The following MYO16 variants were observed in gnomAD, a reference collection of about 807,000 sequenced individuals.
MYO16 encodes unconventional myosin-XVI.
MYO16 carries 94 observed loss-of-function variants against 205.3 expected under a neutral mutation model. That is an observed-to-expected ratio of 0.46 (90% CI 0.39 to 0.54). The LOEUF (loss-of-function observed/expected upper bound fraction) is 0.54, where lower values mean the gene tolerates loss of function less well. Among genes scored for constraint, MYO16 ranks in the 20% least tolerant of loss-of-function variants. The pLI, the probability that MYO16 is intolerant of heterozygous loss-of-function variation, is 0.00. For missense variants in MYO16, 2,315 were observed against 2,387.5 expected, an observed-to-expected ratio of 0.97 and a Z score of 0.63; for synonymous variants, 988 against 954.0, an observed-to-expected ratio of 1.04 and a Z score of -0.66.
At position 108,766,848 on chromosome 13, in the gene MYO16, G is replaced by A. The variant is rs370280665; in HGVS notation, c.508-18787G>A. ...TTTGGAGTTTGTCCTTGAAGATAAA[G>A]GGCAGAGCTGTGAAAAATGCTCTTT... On this transcript the variant is annotated intron_variant, in intron 4 of 34. Coordinates refer to ENST00000457511, the MANE Select transcript of MYO16 (RefSeq NM_001198950.3). 5.3e-5 allele frequency among the ~76,000 whole-genome samples: 8 copies of A among 152,228 alleles called. No homozygotes were observed. The South Asian group carries it at 1.7e-3, about 32-fold the overall frequency.
At chr13:108,607,046 C>T (rs1322643824) in intron 1 of MYO16, among the ~76,000 whole-genome samples, 1 of 152,192 alleles carries the variant, frequency 6.6e-6, no homozygotes, top group Non-Finnish European at 1.5e-5. Flanking sequence ...TGGCCAACTT[C>T]TTCCATTGGA....
intron 11 of MYO16, among the ~76,000 whole-genome samples, chr13:108,864,321 C>G (rs114267284): frequency 6.6e-6 from 1 of 152,162 alleles, no homozygotes; most frequent in African/African-American, 2.4e-5. Context: ...TTGCATCCCA[C>G]AAGTTATGAT....
intron 16 of MYO16, among the ~76,000 whole-genome samples, chr13:108,955,408 C>T (rs901683286): frequency 1.3e-5 from 2 of 152,122 alleles, no homozygotes; most frequent in East Asian, 1.9e-4. Context: ...CACCATCAGC[C>T]GAGATTGGGG....
the MYO16 span, among the ~76,000 whole-genome samples, chr13:108,544,540 ACT>A: frequency 6.6e-6 from 1 of 151,992 alleles, no homozygotes; most frequent in East Asian, 1.9e-4. Context: ...ATCCAATTAT[ACT>A]CTTTCAGTTA....
intron 23 of MYO16, among the ~76,000 whole-genome samples, chr13:109,040,963 AC>A (rs937624393): frequency 1.6e-4 from 25 of 152,184 alleles, no homozygotes; most frequent in African/African-American, 6.0e-4. Flanking sequence ...CAAGAAATCT[AC>A]CATAAAAAAA....
At chr13:108,676,958 T>C (rs1474646039) in intron 2 of MYO16, among the ~76,000 whole-genome samples, 4 of 152,172 alleles carry the variant, frequency 2.6e-5, no homozygotes, top group Non-Finnish European at 5.9e-5. Flanking sequence ...CCCTGCAGCA[T>C]TGCCAACACG....
At chr13:109,005,849 G>A (rs1885370048) in intron 21 of MYO16, among the ~76,000 whole-genome samples, 1 of 152,118 alleles carries the variant, frequency 6.6e-6, no homozygotes, top group Non-Finnish European at 1.5e-5. Context: ...TTCCCCCTGA[G>A]ACTTCTTCAT....
At chr13:108,727,182 A>T (rs1417129528) in intron 3 of MYO16, among the ~76,000 whole-genome samples, 4 of 151,986 alleles carry the variant, frequency 2.6e-5, no homozygotes, top group Non-Finnish European at 5.9e-5. Flanking sequence ...CAGTAAGTGA[A>T]GTACTTTTTT....
intron 1 of MYO16, among the ~76,000 whole-genome samples, chr13:108,619,545 A>G (rs1879465412): frequency 1.3e-5 from 2 of 152,140 alleles, no homozygotes; most frequent in Non-Finnish European, 2.9e-5. Context: ...TAGCAGCATC[A>G]TGTCAGCATT....
chr13:108,736,815 A>T (rs1258194148), intron 4 of MYO16, among the ~76,000 whole-genome samples: 2 of 151,956 alleles, frequency 1.3e-5, no homozygotes, highest in Non-Finnish European at 1.5e-5. Flanking sequence ...CTCTTATTTC[A>T]TTGAGCAGTG....
chr13:108,756,736 G>T (rs1215167246), intron 4 of MYO16, among the ~76,000 whole-genome samples: 1 of 152,062 alleles, frequency 6.6e-6, no homozygotes, highest in Non-Finnish European at 1.5e-5. Flanking sequence ...AGGGTATTCT[G>T]TACTCAGTCT....
chr13:108,660,045 T>C (rs1881434126), intron 1 of MYO16, among the ~76,000 whole-genome samples: 1 of 152,116 alleles, frequency 6.6e-6, no homozygotes, highest in South Asian at 2.1e-4. Context: ...GAAGCTGCAG[T>C]GAGCTATGAT....
chr13:109,187,651 T>C (rs1297907938), intron 34 of MYO16, among the ~76,000 whole-genome samples: 1 of 152,218 alleles, frequency 6.6e-6, no homozygotes, highest in African/African-American at 2.4e-5. Flanking sequence ...TTCCAAGTAT[T>C]TGGGGTTTTC....
At chr13:108,873,734 CACCAGGACAGGGTCCATCCCAACCA>C (rs1566382453) in intron 12 of MYO16, among the ~76,000 whole-genome samples, 4 of 128,402 alleles carry the variant, frequency 3.1e-5, no homozygotes, top group Admixed American at 1.6e-4. Flanking sequence ...CCATGCCAAC[CACCAGGACAGGGTCCATCCCAACCA>C]ACCAGGACAG....
chr13:109,053,971 C>T (rs1290839990), intron 25 of MYO16, among the ~76,000 whole-genome samples: 2 of 152,018 alleles, frequency 1.3e-5, no homozygotes, highest in East Asian at 3.8e-4. Flanking sequence ...ATAGCAAAAG[C>T]ACTAAATCCA....
chr13:109,051,669 T>C (rs1442524966), intron 24 of MYO16, among the ~76,000 whole-genome samples: 1 of 152,220 alleles, frequency 6.6e-6, no homozygotes, highest in Non-Finnish European at 1.5e-5. Flanking sequence ...GAATATGGAC[T>C]CATGGACTCA....
At position 108,961,580 on chromosome 13, in the gene MYO16, C is replaced by G. The variant is rs199624828; in HGVS notation, c.2079C>G (p.His693Gln). The change falls in exon 18 of 35, where the codon CAC (histidine) becomes CAG (glutamine). Residue 693 changes from histidine to glutamine, a missense_variant. By Grantham distance (24) the His-to-Gln change is conservative. Coordinates refer to ENST00000457511, the MANE Select transcript of MYO16 (RefSeq NM_001198950.3). ...TCGTAATTCTAGCAGCAATATTGCA[C>G]CTTGGAGACATTCGGTTTACTGCCC... ...NLFVILAAIL[H>Q]LGDIRFTALN... is the part of the protein sequence containing the mutation. The G allele has an allele frequency of 7.4e-6, 12 of 1,613,960 alleles. No individual in the cohort carries two copies. The East Asian group carries it at 2.0e-4, about 27-fold the overall frequency.
In MYO16 at chr13:109,021,451, C is replaced by A. The variant is rs184088293; in HGVS notation, c.2796+1540C>A. Among the ~76,000 whole-genome samples, 553 of 152,256 alleles carry A rather than the reference C, an allele frequency of 3.6e-3. 3 individuals carry two copies. Among genetic ancestry groups the A allele is most frequent in the Non-Finnish European group, 5.7e-3 (389 of 68,012 alleles). On this transcript the variant is annotated intron_variant, in intron 23 of 34. Coordinates refer to ENST00000457511, the MANE Select transcript of MYO16 (RefSeq NM_001198950.3). ...TCCCACTGCAAGGGAAAATCATCTT[C>A]ACGGAGGCTCACCAGCTAACACAGC...
At chr13:109,076,732 C>T (rs1371031522) in intron 27 of MYO16, among the ~76,000 whole-genome samples, 1 of 152,116 alleles carries the variant, frequency 6.6e-6, no homozygotes, top group East Asian at 1.9e-4. Context: ...TTTCCTCTTC[C>T]AGTGAGCCTG....
Sources: allele counts gnomAD v4.1 joint callset (sites outside exome capture counted in the v4.1 genomes callset), GRCh38; gene constraint gnomAD v4.1.1; transcripts MANE v1.5; gene names NCBI Gene and HGNC (gene_info 2026-07-23, HGNC 2026-07-21).